The following USP11 variants were observed in gnomAD, a reference collection of about 807,000 sequenced individuals.
USP11 encodes ubiquitin carboxyl-terminal hydrolase 11.
In USP11, 5 loss-of-function variants were observed where a neutral mutation model predicts 72.8. The observed-to-expected ratio is 0.07, with a 90% CI of 0.04 to 0.14. The LOEUF is 0.14. Among genes scored for constraint, USP11 ranks in the 10% least tolerant of loss-of-function variants. USP11 has a pLI of 1.00. For missense variants in USP11, 480 were observed against 794.7 expected, an observed-to-expected ratio of 0.60 and a Z score of 4.76; for synonymous variants, 368 against 326.5, an observed-to-expected ratio of 1.13 and a Z score of -1.37.
chrX:47,247,493 G>A, intron 19 of USP11, 74 bp downstream of exon 19: 8 of 1,161,856 alleles, frequency 6.9e-6, no homozygotes, highest in Non-Finnish European at 8.2e-6. Flanking sequence ...TTCCCAGTGA[G>A]TGACTAGGGA....
At chrX:47,242,041 C>G (rs750811001) in intron 9 of USP11, 41 bp from the exon 10 acceptor site, 1 of 1,181,254 alleles carries the variant, frequency 8.5e-7, no homozygotes, top group South Asian at 1.8e-5. Flanking sequence ...TTTCCTCTTA[C>G]CCTGGGCAAG....
Position 47,245,461 on chromosome X carries a change from C to T in USP11, c.2249C>T (p.Thr750Ile). 1 of 1,208,226 alleles carries T rather than the reference C, an allele frequency of 8.3e-7. No homozygotes were observed. The highest frequency in any genetic ancestry group is 1.1e-6 in the Non-Finnish European group (1 of 892,384). ...ATTGAGCTCTTCACCACTGTGGAGA[C>T]CCTGGAGAAGGAAAACCCCTGGTGA... ...ECIELFTTVE[T>I]LEKENPWYCP... The change falls in exon 17 of 21, where the codon ACC becomes ATC. Residue 750 changes from threonine to isoleucine, a missense_variant. Around this residue, in one of 5 missense-constraint regions of USP11, gnomAD observed 314 missense variants for 556.0 expected, o/e 0.56. Transcript: ENST00000377107.
intron 17 of USP11, 87 bp from the exon 18 acceptor site, chrX:47,246,985 T>C (rs1414958233): frequency 4.9e-5 from 53 of 1,081,043 alleles, no homozygotes; most frequent in South Asian, 3.5e-4. Context: ...CGCGCCACTG[T>C]ACTCCAGCCT....
chrX:47,240,795 G>A lies in USP11; in HGVS notation c.765G>A (p.Glu255=). 8.3e-7 allele frequency: 1 copy of A among 1,212,026 alleles called. No individual in the cohort carries two copies. The highest frequency in any genetic ancestry group is 3.0e-5 in the East Asian group (1 of 33,852). The change falls in exon 7 of 21, where the codon GAG becomes GAA. Residue 255 remains glutamate, a synonymous_variant. Coordinates refer to ENST00000377107, the MANE Select transcript of USP11 (RefSeq NM_001371072.1). ...CCAGGAACAACAACATGTCGGAAGA[G>A]GATGAGGACTTCAAGGGTCAGCCAG... ...LHVMNNNMSE[E]DEDFKGQPGI...
Position 47,241,621 on chromosome X carries a change from C to T in USP11, c.1101C>T (p.Asp367=), listed in dbSNP as rs776567388. The part of the protein sequence containing the change: ...DSQELLSFLL[D]GLHEDLNRVK... Reference sequence around the variant, plus strand: ...AGGAGCTGCTGTCATTCCTCCTGGACGGGCTGCATGAGGACCTTAATCGGG... The same window carrying T: ...AGGAGCTGCTGTCATTCCTCCTGGATGGGCTGCATGAGGACCTTAATCGGG... The change falls in exon 9 of 21, where the codon GAC becomes GAT. Residue 367 remains aspartate (D), a synonymous_variant. Coordinates refer to ENST00000377107, the MANE Select transcript of USP11 (RefSeq NM_001371072.1). 6 of 1,210,879 alleles carry T rather than the reference C, an allele frequency of 5.0e-6. No individual in the cohort carries two copies. Among genetic ancestry groups the T allele is most frequent in the Non-Finnish European group, 6.7e-6 (6 of 895,117 alleles).
At chrX:47,247,764 C>T in intron 20 of USP11, 29 bp from the exon 21 acceptor site, 3 of 1,209,610 alleles carry the variant, frequency 2.5e-6, no homozygotes, top group Non-Finnish European at 3.4e-6. Flanking sequence ...CCCCCACAAT[C>T]CACACTGACT....
rs2147352720 is a variant in USP11, at chrX:47,242,804, C to G, written c.1583+84C>G. ...TATGGTCCTGCCTTAACCACCTTCT[C>G]TCTTCCCTGCCTCTGCCTCGTTCAC... On this transcript the variant is annotated intron_variant, in intron 12 of 20. Coordinates refer to ENST00000377107, the MANE Select transcript of USP11 (RefSeq NM_001371072.1). 1.1e-5 allele frequency: 8 copies of G among 748,162 alleles called. No homozygotes were observed. In the East Asian group the frequency reaches 2.6e-4, roughly 24 times the overall value. 61.7% of individuals were successfully genotyped at this position (748,162 alleles called of 1,213,427 possible). A position where few individuals can be genotyped will look rare whatever the true frequency, so the allele number is the denominator to read the frequency against.
Position 47,240,844 on chromosome X carries a change from G to A in USP11, c.814G>A (p.Gly272Ser). 1 of 1,211,160 alleles carries A rather than the reference G, an allele frequency of 8.3e-7. No homozygotes were observed. Among genetic ancestry groups the A allele is most frequent in the Non-Finnish European group, 1.1e-6 (1 of 895,174 alleles). ...AGGCATCTGTGGCCTCACCAATCTG[G>A]GCAACACGTGCTTCATGAACTCGGC... is the stretch of plus-strand genomic sequence containing the variant. ...QPGICGLTNL[G>S]NTCFMNSALQ... The change falls in exon 7 of 21, where the codon GGC becomes AGC. Residue 272 changes from glycine (G) to serine (S), a missense_variant. Around this residue, in one of 5 missense-constraint regions of USP11, gnomAD observed 1 missense variants for 20.0 expected, o/e 0.05. Transcript: ENST00000377107.
chrX:47,233,115 T>C lies in USP11; in HGVS notation c.72T>C (p.Asp24=), dbSNP rs780637374. 8 of 1,197,456 alleles carry C rather than the reference T, an allele frequency of 6.7e-6. No individual in the cohort carries two copies. In the Admixed American group the frequency reaches 1.6e-4, roughly 24 times the overall value. The change falls in exon 1 of 21, where the codon GAT becomes GAC. Residue 24 remains aspartate (D), a synonymous_variant. Coordinates refer to ENST00000377107, the MANE Select transcript of USP11 (RefSeq NM_001371072.1). ...AVAAAAAVTE[D]REPQHEELPG... ...CGGCGGCAGCGGCGGTGACTGAGGA[T>C]AGAGAGCCACAGCACGAGGAGCTGC... is the stretch of plus-strand genomic sequence containing the variant.
Position 47,243,622 on chromosome X carries a change from G to A in USP11, c.1790+20G>A, listed in dbSNP as rs2055415632. The A allele has an allele frequency of 1.7e-6, 2 of 1,203,544 alleles. No homozygotes were observed. Among genetic ancestry groups the A allele is most frequent in the Non-Finnish European group, 2.2e-6 (2 of 890,395 alleles). On this transcript the variant is annotated intron_variant, in intron 13 of 20. Transcript: ENST00000377107. ...GCTCTCGTAAGTGTCCTCTTCCCCGGGGGTGGGGGGCGGAGGGGTCTGAAC... is the reference window on the plus strand; with the variant it reads ...GCTCTCGTAAGTGTCCTCTTCCCCGAGGGTGGGGGGCGGAGGGGTCTGAAC...
chrX:47,245,517 T>G, intron 17 of USP11, 35 bp downstream of exon 17: 1 of 988,845 alleles, frequency 1.0e-6, no homozygotes, highest in Non-Finnish European at 1.4e-6. Flanking sequence ...GTGTGGGGGT[T>G]TCATTGGATG....
chrX:47,239,263 T>C, intron 2 of USP11, 84 bp downstream of exon 2: 1 of 1,177,627 alleles, frequency 8.5e-7, no homozygotes, highest in East Asian at 3.1e-5. Context: ...GCCCATTCTG[T>C]GTGCTAGGTC....
intron 9 of USP11, 79 bp downstream of exon 9, chrX:47,241,778 A>G: frequency 9.5e-7 from 1 of 1,053,553 alleles, no homozygotes; most frequent in Non-Finnish European, 1.3e-6. Context: ...TCCCTGGGGT[A>G]TCTAACACGC....
chrX:47,243,985 C>G (rs942782671), intron 13 of USP11, among the ~76,000 whole-genome samples: 3 of 111,668 alleles, frequency 2.7e-5, no homozygotes, highest in South Asian at 3.7e-4. Context: ...ATTCTCCCCC[C>G]TCATTTTGCA....
intron 7 of USP11, 152 bp from the exon 8 acceptor site, chrX:47,241,125 C>T (rs1202765552): frequency 8.0e-6 from 5 of 626,809 alleles, no homozygotes; most frequent in Non-Finnish European, 1.2e-5. Flanking sequence ...ATCCTAATGC[C>T]TTCTCTCCCC....
intron 1 of USP11, among the ~76,000 whole-genome samples, chrX:47,234,839 G>A (rs377719989): frequency 5.4e-5 from 6 of 111,778 alleles, no homozygotes; most frequent in Admixed American, 1.9e-4. Context: ...AAAACTTCAT[G>A]CTGTACACTC....
intron 1 of USP11, among the ~76,000 whole-genome samples, chrX:47,235,438 A>G (rs1227237000): frequency 1.8e-5 from 2 of 111,564 alleles, no homozygotes; most frequent in Non-Finnish European, 3.8e-5. Flanking sequence ...CATATGCAGT[A>G]ATTATTTTTA....
intron 7 of USP11, 136 bp downstream of exon 7, chrX:47,241,012 A>G (rs1200857666): frequency 1.5e-6 from 1 of 650,105 alleles, no homozygotes; most frequent in African/African-American, 2.2e-5. Context: ...ACAAGTCTGA[A>G]GTGGCACGCC....
In USP11 at chrX:47,244,586, G is replaced by A. The variant is rs781109519; in HGVS notation, c.1843+36G>A. On this transcript the variant is annotated intron_variant, in intron 14 of 20. Transcript: ENST00000377107. The stretch of plus-strand genomic sequence containing the variant: ...TAACAGTCAGTGGGCGGGGGCTCTG[G>A]GTTAGGTCTGACCCACGTAGGGTTC... 2.9e-5 allele frequency: 35 copies of A among 1,206,863 alleles called. No homozygotes were observed. In the South Asian group the frequency reaches 5.7e-4, roughly 20 times the overall value.
Sources: allele counts gnomAD v4.1 joint callset (sites outside exome capture counted in the v4.1 genomes callset), GRCh38; gene constraint gnomAD v4.1.1; regional missense constraint gnomAD v4.1.1; transcripts MANE v1.5; gene names NCBI Gene and HGNC (gene_info 2026-07-23, HGNC 2026-07-21).